CHRNA5: variants seen among roughly 807,000 people sequenced by gnomAD.
CHRNA5 encodes neuronal acetylcholine receptor subunit alpha-5.
CHRNA5 carries 28 observed loss-of-function variants against 41.2 expected under a neutral mutation model. That is an observed-to-expected ratio of 0.68 (90% CI 0.50 to 0.93). The LOEUF is 0.93. CHRNA5 is among the 40% of genes least tolerant of loss of function. The pLI is 0.00. For missense variants in CHRNA5, 481 were observed against 581.9 expected (o/e 0.83, Z 1.78); for synonymous variants, 188 against 205.8 (o/e 0.91, Z 0.74).
intron 1 of CHRNA5, among the ~76,000 whole-genome samples, chr15:78,576,079 G>A (rs1358999819): frequency 6.6e-6 from 1 of 152,232 alleles, no homozygotes; most frequent in East Asian, 1.9e-4. Flanking sequence ...TATTTTCTCT[G>A]GGTTGTATAT....
At chr15:78,571,988 T>A (rs2052810009) in intron 1 of CHRNA5, among the ~76,000 whole-genome samples, 1 of 152,164 alleles carries the variant, frequency 6.6e-6, no homozygotes, top group South Asian at 2.1e-4. Flanking sequence ...GAGGATTTTT[T>A]TTTCAAAAGA....
intron 2 of CHRNA5, among the ~76,000 whole-genome samples, chr15:78,581,556 G>A (rs950418217): frequency 6.6e-6 from 1 of 152,076 alleles, no homozygotes; most frequent in African/African-American, 2.4e-5. Flanking sequence ...TTTCCCTGTT[G>A]TGTTCCCAAA....
In CHRNA5 at chr15:78,590,564, C is replaced by T. The variant is rs140785516; in HGVS notation, c.1173C>T (p.Asn391=). The T allele has an allele frequency of 1.5e-4, 246 of 1,614,200 alleles. 1 individual carries two copies. In the African/African-American group the frequency reaches 2.7e-3, roughly 18 times the overall value. Reference sequence around the variant, plus strand: ...GTAGTGGACCAAAATCTTCTAGAAACACATTGGAAGCTGCGCTCGATTCTA... The same window carrying T: ...GTAGTGGACCAAAATCTTCTAGAAATACATTGGAAGCTGCGCTCGATTCTA... The change falls in exon 5 of 6, where the codon AAC becomes AAT. Residue 391 remains asparagine, a synonymous_variant. Coordinates refer to ENST00000299565, the Ensembl canonical transcript of CHRNA5.
intron 2 of CHRNA5, among the ~76,000 whole-genome samples, chr15:78,584,561 A>G (rs1053564719): frequency 6.6e-6 from 1 of 152,158 alleles, no homozygotes; most frequent in Non-Finnish European, 1.5e-5. Flanking sequence ...ACCACATCTT[A>G]GGGGCCATTT....
At chr15:78,579,426 G>A (rs1305452228) in intron 1 of CHRNA5, among the ~76,000 whole-genome samples, 1 of 151,994 alleles carries the variant, frequency 6.6e-6, no homozygotes, top group Admixed American at 6.6e-5. Flanking sequence ...ACTAATTTTT[G>A]TATTTTTTGT....
In CHRNA5 at chr15:78,565,831, C is replaced by A; in HGVS notation, c.106+6C>A. ...GGCGGGCGGCGCGCAGAGAGGTAAG[C>A]CCGGGCTGCAGAGGGGCGGGGCGGG... On this transcript the variant is annotated splice_donor_region_variant and intron_variant, in intron 1 of 5. Coordinates refer to ENST00000299565, the Ensembl canonical transcript of CHRNA5. 1.6e-6 allele frequency: 2 copies of A among 1,221,060 alleles called. No homozygotes were observed. Among genetic ancestry groups the A allele is most frequent in the South Asian group, 4.1e-5 (1 of 24,192 alleles). The allele number at this position is 1,221,060 out of a possible 1,614,324, so 75.6% of individuals were successfully genotyped here.
intron 3 of CHRNA5, among the ~76,000 whole-genome samples, chr15:78,587,665 AT>A (rs35829982): frequency 0.39 from 59,491 of 151,672 alleles, 13,958 homozygotes; most frequent in East Asian, 0.78. Flanking sequence ...AATGAAATGA[AT>A]TTTTTTTTAA....
chr15:78,579,584 T>C (rs2052891635), intron 1 of CHRNA5, among the ~76,000 whole-genome samples: 1 of 152,198 alleles, frequency 6.6e-6, no homozygotes, highest in South Asian at 2.1e-4. Flanking sequence ...TAAACCTTTC[T>C]TGATTCTTTA....
intron 2 of CHRNA5, among the ~76,000 whole-genome samples, chr15:78,586,188 A>G (rs2052959819): frequency 6.6e-6 from 1 of 152,214 alleles, no homozygotes; most frequent in Non-Finnish European, 1.5e-5. Flanking sequence ...TCAGGGATGT[A>G]CAGAAATACC....
At chr15:78,584,107 G>T (rs568306812) in intron 2 of CHRNA5, among the ~76,000 whole-genome samples, 1 of 152,186 alleles carries the variant, frequency 6.6e-6, no homozygotes, top group South Asian at 2.1e-4. Context: ...TACGAAAGCA[G>T]AAGAGGACTG....
intron 5 of CHRNA5, among the ~76,000 whole-genome samples, chr15:78,592,694 T>C (rs191318986): frequency 3.9e-4 from 59 of 152,362 alleles, no homozygotes; most frequent in Non-Finnish European, 7.1e-4. Flanking sequence ...AACCAACTTT[T>C]AATTTGGCAT....
At chr15:78,590,697 C>G in intron 5 of CHRNA5, 61 bp downstream of exon 5, 2 of 1,443,948 alleles carry the variant, frequency 1.4e-6, no homozygotes, top group Non-Finnish European at 1.9e-6. Context: ...AAGTTACTTT[C>G]ATTAATTTTG....
chr15:78,567,247 C>A (rs1489940339), intron 1 of CHRNA5, among the ~76,000 whole-genome samples: 1 of 139,582 alleles, frequency 7.2e-6, no homozygotes, highest in Admixed American at 7.1e-5. Flanking sequence ...AGCGAGACTC[C>A]GTCTCAAAAA....
At chr15:78,585,515 T>C (rs1243783223) in intron 2 of CHRNA5, among the ~76,000 whole-genome samples, 10 of 152,204 alleles carry the variant, frequency 6.6e-5, no homozygotes, top group Non-Finnish European at 1.2e-4. Flanking sequence ...CATTGTGTCC[T>C]ACACATAATA....
At chr15:78,577,339 G>A (rs2052867977) in intron 1 of CHRNA5, among the ~76,000 whole-genome samples, 1 of 152,174 alleles carries the variant, frequency 6.6e-6, no homozygotes, top group Admixed American at 6.5e-5. Flanking sequence ...AACATTTACA[G>A]CCAGCTAAAA....
chr15:78,574,174 A>G (rs991297112), intron 1 of CHRNA5, among the ~76,000 whole-genome samples: 35 of 151,122 alleles, frequency 2.3e-4, no homozygotes, highest in Admixed American at 2.3e-3. Flanking sequence ...TGAGGTCGGG[A>G]GTTCAAAACC....
rs201451815 is a variant in CHRNA5 at position 78,588,388 on chromosome 15, C to T, written c.378C>T (p.Asp126=). 4.4e-6 allele frequency: 7 copies of T among 1,582,508 alleles called. No homozygotes were observed. Among genetic ancestry groups the T allele is most frequent in the African/African-American group, 1.3e-5 (1 of 74,232 alleles). ...TAAAAGTTATACGTGTTCCTTCAGACTCTGTCTGGACACCAGACATCGTTT... is the reference window on the plus strand; with the variant it reads ...TAAAAGTTATACGTGTTCCTTCAGATTCTGTCTGGACACCAGACATCGTTT... The change falls in exon 4 of 6, where the codon GAC becomes GAT. Residue 126 remains aspartate (D), a synonymous_variant. Transcript: ENST00000299565. The surrounding 1 kb of genome is among the most constrained non-coding windows in gnomAD (Gnocchi z 4.1).
At chr15:78,572,768 C>A (rs1172195562) in intron 1 of CHRNA5, among the ~76,000 whole-genome samples, 1 of 152,172 alleles carries the variant, frequency 6.6e-6, no homozygotes, top group African/African-American at 2.4e-5. Flanking sequence ...AGGCGTGAAC[C>A]ACCACACCTG....
chr15:78,575,835 C>T (rs1305932895), intron 1 of CHRNA5, among the ~76,000 whole-genome samples: 1 of 152,118 alleles, frequency 6.6e-6, no homozygotes, highest in Non-Finnish European at 1.5e-5. Flanking sequence ...TATAGCCAAT[C>T]CTATTAGGTG....
Sources: gnomAD v4.1 joint callset for allele counts (sites outside exome capture counted in the v4.1 genomes callset) on GRCh38, gnomAD v4.1.1 for gene constraint, Gnocchi (gnomAD v3.1) non-coding constraint, MANE v1.5 for transcripts, NCBI Gene and HGNC (gene_info 2026-07-23, HGNC 2026-07-21) for gene names.